Variants in CTNNA2 observed in about 807,000 individuals in gnomAD.
CTNNA2 encodes the protein catenin alpha 2.
In CTNNA2, 42 loss-of-function variants were observed where a neutral mutation model predicts 101.0. That is an observed-to-expected ratio of 0.42 (90% CI 0.32 to 0.54). The LOEUF is 0.54. Ranked by LOEUF, CTNNA2 falls within the 20% of genes least tolerant of loss-of-function variation. The probability of loss-of-function intolerance (pLI) is 0.14; values close to 1 mark genes in which losing one functional copy is unlikely to be tolerated. For missense variants in CTNNA2, 871 were observed against 1,223.1 expected, an observed-to-expected ratio of 0.71 and a Z score of 4.29; for synonymous variants, 450 against 456.4, an observed-to-expected ratio of 0.99 and a Z score of 0.18.
At chr2:80,532,942 C>T (rs997044470) in intron 9 of CTNNA2, among the ~76,000 whole-genome samples, 5 of 152,084 alleles carry the variant, frequency 3.3e-5, no homozygotes, top group Non-Finnish European at 7.4e-5. Flanking sequence ...AGAAAGCACC[C>T]ATGACAGGGA....
chr2:80,369,206 A>T (rs1559050733), intron 7 of CTNNA2, among the ~76,000 whole-genome samples: 1 of 152,194 alleles, frequency 6.6e-6, no homozygotes, highest in Non-Finnish European at 1.5e-5. Context: ...AGTTATAGTG[A>T]ACTAGGATTT....
chr2:80,132,212 AAGAGT>A (rs1702454676), intron 7 of CTNNA2, among the ~76,000 whole-genome samples: 1 of 152,080 alleles, frequency 6.6e-6, no homozygotes, highest in Non-Finnish European at 1.5e-5. Flanking sequence ...TTTGGAGGAG[AAGAGT>A]AGACACATTG....
intron 15 of CTNNA2, among the ~76,000 whole-genome samples, chr2:80,595,507 GT>G (rs1295458654): frequency 6.6e-6 from 1 of 152,160 alleles, no homozygotes; most frequent in Non-Finnish European, 1.5e-5. Flanking sequence ...CCGGTACTAT[GT>G]TGAATAGGAG....
rs146615645 is a variant in CTNNA2, at chr2:79,382,392, C to G, written c.-135+8379C>G. ...AATTTTCTCTTTTATTCCTCTCTCT[C>G]TGTCTGGGTATGTGTGTGTATACAT... On this transcript the variant is annotated intron_variant, in intron 4 of 21. Transcript: ENST00000466387. 2.2e-3 allele frequency among the ~76,000 whole-genome samples: 338 copies of G among 152,200 alleles called. 1 individual carries two copies. The highest frequency in any genetic ancestry group is 3.9e-3 in the Non-Finnish European group (262 of 68,010).
intron 4 of CTNNA2, among the ~76,000 whole-genome samples, chr2:79,474,102 C>T (rs1671028075): frequency 6.6e-6 from 1 of 152,022 alleles, no homozygotes; most frequent in African/African-American, 2.4e-5. Context: ...AAAAAAGTAG[C>T]AACTGTGTTT....
intron 4 of CTNNA2, among the ~76,000 whole-genome samples, chr2:79,386,993 T>C (rs79190981): frequency 4.2e-3 from 640 of 152,334 alleles, no homozygotes; most frequent in Non-Finnish European, 6.7e-3. Context: ...TTGGTCTAAA[T>C]AGAATGCTAG....
At chr2:80,260,899 T>C (rs1387706830) in intron 7 of CTNNA2, among the ~76,000 whole-genome samples, 1 of 152,146 alleles carries the variant, frequency 6.6e-6, no homozygotes, top group Non-Finnish European at 1.5e-5. Flanking sequence ...CATTGTAAAA[T>C]ATTTAGGTAA....
At chr2:79,583,777 A>C (rs754045119) in intron 1 of CTNNA2, among the ~76,000 whole-genome samples, 2 of 152,182 alleles carry the variant, frequency 1.3e-5, no homozygotes. Context: ...CCTAATTACT[A>C]ATGACTTGGA....
intron 1 of CTNNA2, among the ~76,000 whole-genome samples, chr2:79,192,174 T>A (rs1376668262): frequency 6.6e-6 from 1 of 152,082 alleles, no homozygotes; most frequent in African/African-American, 2.4e-5. Flanking sequence ...GCGTGACTGA[T>A]TCCCACACCC....
chr2:79,650,011 A>G (rs1573571217), intron 1 of CTNNA2, among the ~76,000 whole-genome samples: 1 of 152,172 alleles, frequency 6.6e-6, no homozygotes, highest in Non-Finnish European at 1.5e-5. Flanking sequence ...GATTCAAAAT[A>G]AAAGAACAGC....
At chr2:80,475,942 T>A (rs1323791905) in intron 9 of CTNNA2, among the ~76,000 whole-genome samples, 1 of 152,016 alleles carries the variant, frequency 6.6e-6, no homozygotes, top group African/African-American at 2.4e-5. Context: ...CAATCTGGGG[T>A]CATGTTCCTA....
chr2:79,470,017 A>C (rs528645485), intron 4 of CTNNA2, among the ~76,000 whole-genome samples: 6 of 152,314 alleles, frequency 3.9e-5, no homozygotes, highest in Non-Finnish European at 1.5e-5. Context: ...ATAGTGTTGG[A>C]AGTTCTGGCT....
chr2:79,245,068 C>T (rs1674681901), intron 2 of CTNNA2, among the ~76,000 whole-genome samples: 1 of 151,202 alleles, frequency 6.6e-6, no homozygotes, highest in African/African-American at 2.4e-5. Context: ...ACACTCCAGC[C>T]TGGACAACAA....
chr2:80,310,897 C>T (rs1011298531), intron 7 of CTNNA2, among the ~76,000 whole-genome samples: 24 of 148,316 alleles, frequency 1.6e-4, no homozygotes, highest in Non-Finnish European at 1.9e-4. Flanking sequence ...CACTTGAACC[C>T]GGGAGGCGGA....
At chr2:79,736,353 T>A (rs994227400) in intron 2 of CTNNA2, among the ~76,000 whole-genome samples, 1 of 152,236 alleles carries the variant, frequency 6.6e-6, no homozygotes, top group African/African-American at 2.4e-5. Flanking sequence ...GCTAAAGGAA[T>A]AAATCAGGTG....
rs1680332545 is a variant in CTNNA2 at position 80,419,613 on chromosome 2, G to A, written c.1290+12G>A. ...ACAAACTGGTAGAGGTAAGTGTGGA[G>A]GGGCCTGAAGACTAGAGTTTACCGA... is the stretch of plus-strand genomic sequence containing the variant. On this transcript the variant is annotated intron_variant, in intron 9 of 18. Transcript: ENST00000402739. 1 of 1,613,024 alleles carries A rather than the reference G, an allele frequency of 6.2e-7. No homozygotes were observed. Among genetic ancestry groups the A allele is most frequent in the African/African-American group, 1.3e-5 (1 of 74,866 alleles).
At chr2:80,540,146 A>T (rs922499805) in intron 9 of CTNNA2, among the ~76,000 whole-genome samples, 1 of 152,200 alleles carries the variant, frequency 6.6e-6, no homozygotes, top group African/African-American at 2.4e-5. Context: ...CCAGTCCACC[A>T]TTCCTTTCCT....
chr2:79,845,124 T>C (rs1019780243), intron 3 of CTNNA2, among the ~76,000 whole-genome samples: 3 of 150,470 alleles, frequency 2.0e-5, no homozygotes, highest in Non-Finnish European at 4.4e-5. Flanking sequence ...GATAACTGAC[T>C]AAGTACCCCC....
chr2:79,646,993 C>T (rs1164001777), intron 1 of CTNNA2, among the ~76,000 whole-genome samples: 1 of 152,200 alleles, frequency 6.6e-6, no homozygotes, highest in Non-Finnish European at 1.5e-5. Context: ...CTAAGTCTCT[C>T]TACCAAAGGT....
Sources: gnomAD v4.1 joint callset for allele counts (sites outside exome capture counted in the v4.1 genomes callset) on GRCh38, gnomAD v4.1.1 for gene constraint, MANE v1.5 for transcripts, NCBI Gene and HGNC (gene_info 2026-07-23, HGNC 2026-07-21) for gene names.